IGF1R: variants seen among roughly 807,000 people sequenced by gnomAD.
IGF1R encodes insulin like growth factor 1 receptor.
IGF1R carries 44 observed loss-of-function variants against 144.6 expected under a neutral mutation model. The ratio of observed to expected loss-of-function variants is 0.30; its 90% CI spans 0.24 to 0.39. IGF1R has a LOEUF of 0.39. Ranked by LOEUF, IGF1R falls within the 10% of genes least tolerant of loss-of-function variation. The pLI, the probability that IGF1R is intolerant of heterozygous loss-of-function variation, is 1.00. For missense variants in IGF1R, 1,355 were observed against 1,833.7 expected (o/e 0.74, Z 4.77); for synonymous variants, 795 against 722.8 (o/e 1.10, Z -1.60).
At chr15:98,911,960 G>T (rs1022094299) in intron 7 of IGF1R, among the ~76,000 whole-genome samples, 1 of 152,190 alleles carries the variant, frequency 6.6e-6, no homozygotes, top group Non-Finnish European at 1.5e-5. Flanking sequence ...AGTGGAGAGA[G>T]AACAACCTTC....
chr15:98,683,488 C>A (rs1348741929), intron 1 of IGF1R, among the ~76,000 whole-genome samples: 1 of 152,210 alleles, frequency 6.6e-6, no homozygotes, highest in Non-Finnish European at 1.5e-5. Context: ...GGGCATTGCC[C>A]AGTTGTGTTA....
Position 98,963,200 on chromosome 15 carries a change from G to GTGTT in IGF1R, c.*5762_*5765dup. 4.6e-6 allele frequency: 1 copy of GTGTT among 217,910 alleles called. No individual in the cohort carries two copies. The highest frequency in any genetic ancestry group is 6.3e-5 in the East Asian group (1 of 15,828). The allele number at this position is 217,910 out of a possible 1,614,324, so 13.5% of individuals were successfully genotyped here. A position where few individuals can be genotyped will look rare whatever the true frequency, so the allele number is the denominator to read the frequency against. On this transcript the variant is annotated 3_prime_UTR_variant, in exon 21 of 21. Transcript: ENST00000650285. Reference sequence around the variant, plus strand: ...TTTTTTTCTCTGTGTGTGCAAATGTGTGTTTGTGATCCATTTTTTTTTTTT... The same window carrying GTGTT: ...TTTTTTTCTCTGTGTGTGCAAATGTGTGTTTGTTTGTGATCCATTTTTTTTTTTT...
In IGF1R at chr15:98,959,156, C is replaced by A. The variant is rs1228234850; in HGVS notation, c.*1714C>A. 2 of 233,386 alleles carry A rather than the reference C, an allele frequency of 8.6e-6. No homozygotes were observed. The highest frequency in any genetic ancestry group is 8.5e-6 in the Non-Finnish European group (1 of 118,054). 14.5% of individuals were successfully genotyped at this position (233,386 alleles called of 1,614,324 possible). On this transcript the variant is annotated 3_prime_UTR_variant, in exon 21 of 21. Transcript: ENST00000650285. ...CACTCACCGTGGTTGAGAAGCCTCA[C>A]CCTCTCTTTCCCTTGCCTTTGCTTA... is the stretch of plus-strand genomic sequence containing the variant.
At position 98,961,673 on chromosome 15, in the gene IGF1R, G is replaced by A. The variant is rs117249222; in HGVS notation, c.*4231G>A. 524 of 233,688 alleles carry A rather than the reference G, an allele frequency of 2.2e-3. 1 individual carries two copies. Among genetic ancestry groups the A allele is most frequent in the Middle Eastern group, 3.8e-3 (3 of 786 alleles). The allele number at this position is 233,688 out of a possible 1,614,324, so 14.5% of individuals were successfully genotyped here. On this transcript the variant is annotated 3_prime_UTR_variant, in exon 21 of 21. Transcript: ENST00000650285. ...ATGGAATTGATGTGAGCATTAAGAC[G>A]TTCTCCCACACAGCCCTTCCCTGAG...
intron 2 of IGF1R, among the ~76,000 whole-genome samples, chr15:98,882,286 G>A (rs897748826): frequency 2.6e-5 from 4 of 152,226 alleles, no homozygotes; most frequent in African/African-American, 9.7e-5. Flanking sequence ...CCTGCATGAG[G>A]GCTGGGGAGG....
At chr15:98,764,142 G>A (rs190125669) in intron 2 of IGF1R, among the ~76,000 whole-genome samples, 194 of 152,266 alleles carry the variant, frequency 1.3e-3, no homozygotes, top group Non-Finnish European at 2.3e-3. Flanking sequence ...CAGCCCACAC[G>A]TCTTCACTAC....
rs942464543 is a variant in IGF1R, at chr15:98,751,970, A to T, written c.640+43863A>T. On this transcript the variant is annotated intron_variant, in intron 2 of 20. Transcript: ENST00000650285. The stretch of plus-strand genomic sequence containing the variant: ...ATACAGACTCTTCACTGTTTGTATT[A>T]TACATGTATTTTGTGAGTCTGTGTC... Among the ~76,000 whole-genome samples the T allele has an allele frequency of 2.0e-5, 3 of 152,192 alleles. No homozygotes were observed. The East Asian group carries it at 5.8e-4, about 29-fold the overall frequency.
intron 1 of IGF1R, among the ~76,000 whole-genome samples, chr15:98,657,790 A>G (rs2052519010): frequency 6.6e-6 from 1 of 152,166 alleles, no homozygotes; most frequent in African/African-American, 2.4e-5. Flanking sequence ...TTGGCTCAGG[A>G]TGGAATTTGT....
chr15:98,912,916 T>G, intron 7 of IGF1R, 128 bp from the exon 8 acceptor site: 1 of 693,494 alleles, frequency 1.4e-6, no homozygotes, highest in Non-Finnish European at 2.6e-6. Context: ...TCTATAAAAG[T>G]CTAATTGATT....
chr15:98,759,284 C>T (rs2055235130), intron 2 of IGF1R, among the ~76,000 whole-genome samples: 1 of 152,238 alleles, frequency 6.6e-6, no homozygotes, highest in South Asian at 2.1e-4. Context: ...CTGATGTTCA[C>T]AGTCTGTTTA....
intron 2 of IGF1R, among the ~76,000 whole-genome samples, chr15:98,744,731 C>CCTT (rs1368963810): frequency 6.6e-6 from 1 of 151,730 alleles, no homozygotes; most frequent in East Asian, 1.9e-4. Context: ...ACAGATGGCC[C>CCTT]CTTAAACATG....
rs547001596 is a variant in IGF1R at position 98,955,648 on chromosome 15, C to G, written c.3723-1413C>G. Among the ~76,000 whole-genome samples the G allele has an allele frequency of 2.8e-4, 42 of 152,342 alleles. 1 individual carries two copies. Among genetic ancestry groups the G allele is most frequent in the Admixed American group, 2.5e-3 (39 of 15,306 alleles). On this transcript the variant is annotated intron_variant, in intron 20 of 20. Transcript: ENST00000650285. Reference sequence around the variant, plus strand: ...AGGCCCACCCTCCCTCAAGGTTGCACCTTCTCCACCTGAAGGAAGCTGCCA... The same window carrying G: ...AGGCCCACCCTCCCTCAAGGTTGCAGCTTCTCCACCTGAAGGAAGCTGCCA...
At chr15:98,738,559 A>G (rs1263698702) in intron 2 of IGF1R, among the ~76,000 whole-genome samples, 1 of 152,200 alleles carries the variant, frequency 6.6e-6, no homozygotes, top group East Asian at 1.9e-4. Context: ...ATTATCCCAC[A>G]GGATTTTAGT....
intron 2 of IGF1R, among the ~76,000 whole-genome samples, chr15:98,844,009 C>A (rs1327935653): frequency 6.6e-6 from 1 of 152,136 alleles, no homozygotes. Flanking sequence ...TTTGCTTAAA[C>A]ATTAATCAAA....
intron 2 of IGF1R, among the ~76,000 whole-genome samples, chr15:98,842,283 C>A (rs1392525219): frequency 2.0e-5 from 3 of 152,164 alleles, no homozygotes; most frequent in Admixed American, 6.6e-5. Context: ...AAGACAGAAA[C>A]TTCTGTATTA....
intron 1 of IGF1R, among the ~76,000 whole-genome samples, chr15:98,652,394 T>G (rs934675110): frequency 4.6e-5 from 7 of 152,198 alleles, no homozygotes; most frequent in African/African-American, 1.7e-4. Context: ...TTTAAAGAAG[T>G]TAGTGTTTTA....
chr15:98,854,267 A>T (rs1440099850), intron 2 of IGF1R, among the ~76,000 whole-genome samples: 1 of 152,192 alleles, frequency 6.6e-6, no homozygotes, highest in Non-Finnish European at 1.5e-5. Flanking sequence ...AGTGTGCTCC[A>T]GTGATGTGTG....
At chr15:98,905,458 C>T (rs924289633) in intron 5 of IGF1R, among the ~76,000 whole-genome samples, 1 of 151,406 alleles carries the variant, frequency 6.6e-6, no homozygotes, top group African/African-American at 2.4e-5. Context: ...GAGTTTGAGA[C>T]CAGCCAGGGC....
intron 2 of IGF1R, among the ~76,000 whole-genome samples, chr15:98,763,876 C>T (rs1322129238): frequency 6.6e-6 from 1 of 152,158 alleles, no homozygotes; most frequent in Non-Finnish European, 1.5e-5. Context: ...CCCAGCGTGA[C>T]CTCATTAGCA....
Sources: gnomAD v4.1 joint callset for allele counts (sites outside exome capture counted in the v4.1 genomes callset) on GRCh38, gnomAD v4.1.1 for gene constraint, MANE v1.5 for transcripts, NCBI Gene and HGNC (gene_info 2026-07-23, HGNC 2026-07-21) for gene names.